Variants in PTPRO observed in about 807,000 individuals in gnomAD.
PTPRO encodes receptor-type tyrosine-protein phosphatase O.
A neutral mutation model predicts 145.2 loss-of-function variants in PTPRO; 62 were observed. The observed-to-expected ratio is 0.43, with a 90% CI of 0.35 to 0.53. The LOEUF is 0.53. Ranked by LOEUF, PTPRO falls within the 20% of genes least tolerant of loss-of-function variation. The probability of loss-of-function intolerance (pLI) is 0.01; values close to 1 mark genes in which losing one functional copy is unlikely to be tolerated. For missense variants in PTPRO, 1,345 were observed against 1,482.7 expected (o/e 0.91, Z 1.53); for synonymous variants, 565 against 514.7 (o/e 1.10, Z -1.32).
rs144440170 is a variant in PTPRO at position 15,532,041 on chromosome 12, C to T, written c.2164+5779C>T. Reference sequence around the variant, plus strand: ...GAAAAATTTTAGAAAATCTAAAAAACAAAAAATACGATCTTTCCTCAATTT... The same window carrying T: ...GAAAAATTTTAGAAAATCTAAAAAATAAAAAATACGATCTTTCCTCAATTT... On this transcript the variant is annotated intron_variant, in intron 12 of 26. Coordinates refer to ENST00000281171, the MANE Select transcript of PTPRO (RefSeq NM_030667.3). Among the ~76,000 whole-genome samples the T allele has an allele frequency of 6.5e-3, 994 of 152,050 alleles. 14 individuals are homozygous for T. The highest frequency in any genetic ancestry group is 0.023 in the African/African-American group (952 of 41,522).
At chr12:15,514,761 A>T (rs1300455718) in intron 7 of PTPRO, among the ~76,000 whole-genome samples, 1 of 151,510 alleles carries the variant, frequency 6.6e-6, no homozygotes, top group Non-Finnish European at 1.5e-5. Context: ...TATTTTATTT[A>T]TTTTTTATTT....
At chr12:15,372,056 C>G (rs1309543667) in intron 1 of PTPRO, among the ~76,000 whole-genome samples, 1 of 152,124 alleles carries the variant, frequency 6.6e-6, no homozygotes, top group African/African-American at 2.4e-5. Flanking sequence ...TTATATTTTG[C>G]AAATTGAAAT....
At chr12:15,493,393 G>A (rs530439168) in intron 2 of PTPRO, among the ~76,000 whole-genome samples, 2 of 152,200 alleles carry the variant, frequency 1.3e-5, no homozygotes, top group African/African-American at 2.4e-5. Flanking sequence ...CTAGAGGAAA[G>A]TCCAGGACAC....
At chr12:15,532,211 T>C (rs189300141) in intron 12 of PTPRO, among the ~76,000 whole-genome samples, 119 of 152,304 alleles carry the variant, frequency 7.8e-4, no homozygotes, top group South Asian at 5.0e-3. Flanking sequence ...ATGTGATGTG[T>C]TGATTAGACA....
intron 1 of PTPRO, among the ~76,000 whole-genome samples, chr12:15,434,795 C>A (rs1340089242): frequency 6.6e-6 from 1 of 152,086 alleles, no homozygotes; most frequent in African/African-American, 2.4e-5. Flanking sequence ...TAGGGATGTT[C>A]AATGAATCAC....
intron 2 of PTPRO, among the ~76,000 whole-genome samples, chr12:15,489,413 T>C (rs1011833522): frequency 1.3e-5 from 2 of 152,162 alleles, no homozygotes; most frequent in Admixed American, 1.3e-4. Flanking sequence ...ATCTATTGAT[T>C]ACATCCTTAA....
Position 15,427,014 on chromosome 12 carries a change from G to A in PTPRO, c.76-56960G>A, listed in dbSNP as rs181219090. ...TTTTCAATTACTTCTTTGACACAGC[G>A]TAGCAGGTCAGAAAACTGGTTCTTA... On this transcript the variant is annotated intron_variant, in intron 1 of 26. Transcript: ENST00000281171. Among the ~76,000 whole-genome samples the A allele has an allele frequency of 1.2e-4, 19 of 152,078 alleles. 1 individual carries two copies. The highest frequency in any genetic ancestry group is 3.4e-3 in the Middle Eastern group (1 of 294).
chr12:15,516,518 A>AAG (rs1555172016), intron 8 of PTPRO, among the ~76,000 whole-genome samples: 2 of 135,098 alleles, frequency 1.5e-5, no homozygotes, highest in Non-Finnish European at 3.1e-5. Flanking sequence ...AGAAAGAAAG[A>AAG]AAAAGAAAAG....
intron 17 of PTPRO, among the ~76,000 whole-genome samples, chr12:15,562,915 A>G (rs1943810878): frequency 6.6e-6 from 1 of 152,048 alleles, no homozygotes; most frequent in Admixed American, 6.6e-5. Context: ...TAATATACTA[A>G]AGTCCTTTTT....
chr12:15,552,088 A>G (rs1434317032), intron 15 of PTPRO, among the ~76,000 whole-genome samples: 1 of 151,858 alleles, frequency 6.6e-6, no homozygotes, highest in Non-Finnish European at 1.5e-5. Flanking sequence ...CCATAATTTT[A>G]AGCTGTTCTA....
chr12:15,334,587 T>C (rs533560823), intron 1 of PTPRO, among the ~76,000 whole-genome samples: 3 of 152,294 alleles, frequency 2.0e-5, no homozygotes, highest in East Asian at 3.9e-4. Context: ...TCTATATCCA[T>C]AGTCTATTAA....
intron 6 of PTPRO, among the ~76,000 whole-genome samples, chr12:15,506,729 G>A (rs1190816424): frequency 6.6e-6 from 1 of 152,126 alleles, no homozygotes; most frequent in Non-Finnish European, 1.5e-5. Flanking sequence ...GACAAGTGGG[G>A]ATTACAATTC....
intron 1 of PTPRO, among the ~76,000 whole-genome samples, chr12:15,384,454 G>A (rs1486705177): frequency 1.3e-5 from 2 of 152,168 alleles, no homozygotes; most frequent in Non-Finnish European, 2.9e-5. Context: ...GGTTCTGGCT[G>A]ATTTGATTGC....
chr12:15,495,366 A>G (rs1942078834), intron 2 of PTPRO, among the ~76,000 whole-genome samples: 1 of 149,430 alleles, frequency 6.7e-6, no homozygotes, highest in Admixed American at 6.8e-5. Flanking sequence ...AATAAAATAC[A>G]TTCAGCTACA....
chr12:15,490,931 G>A (rs1478733046), intron 2 of PTPRO, among the ~76,000 whole-genome samples: 2 of 152,176 alleles, frequency 1.3e-5, no homozygotes, highest in Non-Finnish European at 2.9e-5. Flanking sequence ...ATATTAAGGT[G>A]AGAATGGAGG....
chr12:15,444,293 C>T lies in PTPRO; in HGVS notation c.76-39681C>T, dbSNP rs562654237. Among the ~76,000 whole-genome samples, 8 of 151,936 alleles carry T rather than the reference C, an allele frequency of 5.3e-5. No individual in the cohort carries two copies. In the South Asian group the frequency reaches 6.2e-4, roughly 12 times the overall value. On this transcript the variant is annotated intron_variant, in intron 1 of 26. Transcript: ENST00000281171. ...GTGGCAGATAAACATCCAGTACTCA[C>T]GGACATAAAGATGGCAACAACAGAC...
intron 12 of PTPRO, among the ~76,000 whole-genome samples, chr12:15,531,502 G>A (rs1942962125): frequency 6.6e-6 from 1 of 152,142 alleles, no homozygotes; most frequent in African/African-American, 2.4e-5. Flanking sequence ...AAGTGACTGT[G>A]TAGCATACAA....
chr12:15,432,958 C>T (rs567278627), intron 1 of PTPRO, among the ~76,000 whole-genome samples: 2 of 152,012 alleles, frequency 1.3e-5, no homozygotes, highest in Non-Finnish European at 2.9e-5. Flanking sequence ...TGTCAGTTTA[C>T]TCTGTTGATA....
chr12:15,531,156 C>A (rs1273278356), intron 12 of PTPRO, among the ~76,000 whole-genome samples: 1 of 152,020 alleles, frequency 6.6e-6, no homozygotes, highest in Non-Finnish European at 1.5e-5. Context: ...TGAGACTGAA[C>A]AATTAAGAAC....
Sources: allele counts gnomAD v4.1 joint callset (sites outside exome capture counted in the v4.1 genomes callset), GRCh38; gene constraint gnomAD v4.1.1; transcripts MANE v1.5; gene names NCBI Gene and HGNC (gene_info 2026-07-23, HGNC 2026-07-21).